Variants in ERC2 observed in about 807,000 individuals in gnomAD.
ERC2 encodes the protein ELKS/RAB6-interacting/CAST family member 2.
Under a neutral mutation model 114.8 loss-of-function variants are expected in ERC2, and 42 were observed. The ratio of observed to expected loss-of-function variants is 0.37; its 90% CI spans 0.29 to 0.47. The LOEUF is 0.47. Ranked by LOEUF, ERC2 falls within the 20% of genes least tolerant of loss-of-function variation. The probability of loss-of-function intolerance (pLI) is 0.99; values close to 1 mark genes in which losing one functional copy is unlikely to be tolerated. For synonymous variants in ERC2, 454 were observed against 425.5 expected, an observed-to-expected ratio of 1.07 and a Z score of -0.82; for missense variants, 939 against 1,150.7, an observed-to-expected ratio of 0.82 and a Z score of 2.66.
chr3:55,607,475 T>C (rs1457096257), intron 17 of ERC2, among the ~76,000 whole-genome samples: 2 of 152,044 alleles, frequency 1.3e-5, no homozygotes, highest in Non-Finnish European at 2.9e-5. Context: ...TAATCCTACA[T>C]CCAACCAGAG....
intron 2 of ERC2, among the ~76,000 whole-genome samples, chr3:56,403,563 G>A (rs1166651476): frequency 6.6e-6 from 1 of 152,068 alleles, no homozygotes; most frequent in Admixed American, 6.6e-5. Context: ...CGGCAGTATC[G>A]GCATCATCTA....
chr3:56,107,265 T>C (rs59586765), intron 6 of ERC2, among the ~76,000 whole-genome samples: 23,793 of 135,458 alleles, frequency 0.18, 1,957 homozygotes, highest in South Asian at 0.28. Context: ...AAATCCACTT[T>C]TTTTTTTTTT....
chr3:55,567,175 G>A (rs984665105), intron 17 of ERC2, among the ~76,000 whole-genome samples: 1 of 152,218 alleles, frequency 6.6e-6, no homozygotes, highest in Non-Finnish European at 1.5e-5. Flanking sequence ...TGCCATGAAA[G>A]CAACTAGCCA....
intron 12 of ERC2, among the ~76,000 whole-genome samples, chr3:55,983,493 T>C (rs1319701023): frequency 6.6e-6 from 1 of 152,110 alleles, no homozygotes; most frequent in East Asian, 1.9e-4. Context: ...CTGAACAGAT[T>C]TGGAATATGA....
intron 13 of ERC2, among the ~76,000 whole-genome samples, chr3:55,896,221 G>T (rs1051836813): frequency 6.6e-6 from 1 of 152,208 alleles, no homozygotes; most frequent in Non-Finnish European, 1.5e-5. Flanking sequence ...CAGGGAAGTT[G>T]GGAATCAACA....
intron 3 of ERC2, among the ~76,000 whole-genome samples, chr3:56,207,030 G>A (rs1335711190): frequency 2.0e-5 from 3 of 152,134 alleles, no homozygotes; most frequent in African/African-American, 4.8e-5. Context: ...TGACTTTAAG[G>A]AGAGAGGTAA....
At chr3:55,986,069 G>A (rs1417237481) in intron 11 of ERC2, 81 bp from the exon 12 acceptor site, 177 of 1,325,438 alleles carry the variant, frequency 1.3e-4, no homozygotes, top group Non-Finnish European at 1.8e-4. Flanking sequence ...TAAAAGGAAG[G>A]AAATGCATTA....
At chr3:56,435,279 G>A (rs2061966969) in intron 1 of ERC2, 132 bp from the exon 2 acceptor site, 1 of 277,690 alleles carries the variant, frequency 3.6e-6, no homozygotes, top group East Asian at 7.5e-5. Flanking sequence ...CAGATAGAAA[G>A]AGCCACACCC....
At chr3:56,318,032 G>A (rs926592864) in intron 2 of ERC2, among the ~76,000 whole-genome samples, 2 of 152,162 alleles carry the variant, frequency 1.3e-5, no homozygotes, top group Non-Finnish European at 2.9e-5. Flanking sequence ...GTTTCTCATT[G>A]TTATAGCTCC....
chr3:55,916,615 A>G (rs2065110342), intron 13 of ERC2, among the ~76,000 whole-genome samples: 2 of 152,122 alleles, frequency 1.3e-5, no homozygotes, highest in South Asian at 2.1e-4. Flanking sequence ...TTCCCACTGC[A>G]GGTAGCTTGC....
intron 17 of ERC2, among the ~76,000 whole-genome samples, chr3:55,605,552 G>A (rs2058606875): frequency 1.3e-5 from 2 of 152,228 alleles, no homozygotes; most frequent in East Asian, 1.9e-4. Flanking sequence ...TACTCTGAAA[G>A]GAAATAGATC....
rs942176324 is a variant in ERC2 at position 56,440,345 on chromosome 3, C to T, written c.-140-5198G>A. On this transcript the variant is annotated intron_variant, in intron 1 of 17. Coordinates refer to ENST00000288221, the MANE Select transcript of ERC2 (RefSeq NM_015576.3). ...GATCACGAGGTCAGGAGATCGAGAC[C>T]ATCCTGGCTAACACGGTGAAACCCC... 2.6e-5 allele frequency among the ~76,000 whole-genome samples: 4 copies of T among 152,074 alleles called. No homozygotes were observed. In the East Asian group the frequency reaches 5.8e-4, roughly 22 times the overall value.
At chr3:56,382,301 T>C (rs1317021645) in intron 2 of ERC2, among the ~76,000 whole-genome samples, 1 of 152,090 alleles carries the variant, frequency 6.6e-6, no homozygotes, top group African/African-American at 2.4e-5. Flanking sequence ...TCAGATCCTA[T>C]CAGCAGACAA....
chr3:56,421,349 C>T lies in ERC2; in HGVS notation c.657+13002G>A, dbSNP rs1254535003. ...TTTCCTCCTCACCACCTTACCCACA[C>T]ACTCCCTTGCTAGAGAATCTACTCA... On this transcript the variant is annotated intron_variant, in intron 2 of 17. Transcript: ENST00000288221. 2.0e-5 allele frequency among the ~76,000 whole-genome samples: 3 copies of T among 152,230 alleles called. No homozygotes were observed. In the East Asian group the frequency reaches 5.8e-4, roughly 29 times the overall value.
chr3:56,217,510 T>C (rs1204649425), intron 3 of ERC2, among the ~76,000 whole-genome samples: 2 of 152,058 alleles, frequency 1.3e-5, no homozygotes, highest in African/African-American at 2.4e-5. Flanking sequence ...AATGGAAGAA[T>C]ATTCCATGCT....
At chr3:55,926,414 T>TAAAAAA (rs148370132) in intron 13 of ERC2, among the ~76,000 whole-genome samples, 2 of 73,194 alleles carry the variant, frequency 2.7e-5, no homozygotes, top group South Asian at 8.2e-4. Flanking sequence ...TTTTTTGTTT[T>TAAAAAA]TAAAAAAAAA....
chr3:56,294,674 A>G (rs1168933951), intron 3 of ERC2, among the ~76,000 whole-genome samples: 1 of 152,248 alleles, frequency 6.6e-6, no homozygotes, highest in Non-Finnish European at 1.5e-5. Context: ...TAATTTTGCC[A>G]TATTCTATCA....
intron 7 of ERC2, among the ~76,000 whole-genome samples, chr3:56,030,824 G>C (rs2074336837): frequency 6.6e-6 from 1 of 152,156 alleles, no homozygotes; most frequent in Admixed American, 6.5e-5. Flanking sequence ...TATAAGAAAA[G>C]ACTCAGTGAA....
At chr3:55,975,601 C>T (rs2069520441) in intron 12 of ERC2, among the ~76,000 whole-genome samples, 1 of 152,178 alleles carries the variant, frequency 6.6e-6, no homozygotes, top group South Asian at 2.1e-4. Flanking sequence ...ATCATTATTG[C>T]TTCTAGCTTG....
Sources: allele counts gnomAD v4.1 joint callset (sites outside exome capture counted in the v4.1 genomes callset), GRCh38; gene constraint gnomAD v4.1.1; transcripts MANE v1.5; gene names NCBI Gene and HGNC (gene_info 2026-07-23, HGNC 2026-07-21).